The following KREMEN1 variants were observed in gnomAD, a reference collection of about 807,000 sequenced individuals.
KREMEN1 encodes the protein kringle containing transmembrane protein 1.
Under a neutral mutation model 46.5 loss-of-function variants are expected in KREMEN1, and 30 were observed. That is an observed-to-expected ratio of 0.65 (90% CI 0.48 to 0.88). The LOEUF (loss-of-function observed/expected upper bound fraction) is 0.88. KREMEN1 is among the 40% of genes least tolerant of loss of function. The probability of loss-of-function intolerance (pLI) is 0.00; values close to 1 mark genes in which losing one functional copy is unlikely to be tolerated. For synonymous variants in KREMEN1, 214 were observed against 230.6 expected, an observed-to-expected ratio of 0.93 and a Z score of 0.65; for missense variants, 533 against 596.9, an observed-to-expected ratio of 0.89 and a Z score of 1.11.
At position 29,073,268 on chromosome 22, in the gene KREMEN1, C is replaced by T. The variant is rs1462615139; in HGVS notation, c.97+41C>T. 1.0e-6 allele frequency: 1 copy of T among 955,140 alleles called. No individual in the cohort carries two copies. Among genetic ancestry groups the T allele is most frequent in the Non-Finnish European group, 1.3e-6 (1 of 752,042 alleles). The allele number at this position is 955,140 out of a possible 1,614,324, so 59.2% of individuals were successfully genotyped here. On this transcript the variant is annotated intron_variant, in intron 1 of 8. Transcript: ENST00000400335. This position sits in a 1 kb window ranked among gnomAD's most constrained non-coding sequence, Gnocchi z 4.4. ...CCCCCGCCGCCCGCCCTGAGCGGAG[C>T]CCACTCGAGGGGCGACAAGGGCCGG...
chr22:29,124,651 C>G (rs2038411658), intron 4 of KREMEN1, among the ~76,000 whole-genome samples: 1 of 152,118 alleles, frequency 6.6e-6, no homozygotes, highest in South Asian at 2.1e-4. Flanking sequence ...CACGACCACA[C>G]CTGGCTAATA....
At chr22:29,120,435 G>T (rs2038327720) in intron 3 of KREMEN1, among the ~76,000 whole-genome samples, 1 of 119,654 alleles carries the variant, frequency 8.4e-6, no homozygotes, top group East Asian at 2.6e-4. Context: ...AGGAGGGAGA[G>T]GTGATGATGG....
intron 5 of KREMEN1, among the ~76,000 whole-genome samples, chr22:29,131,594 G>GTGTGTATA (rs71324554): frequency 8.2e-6 from 1 of 121,978 alleles, no homozygotes; most frequent in African/African-American, 4.2e-5. Context: ...GTGTGTGTGT[G>GTGTGTATA]TATATGTATA....
chr22:29,098,740 A>T (rs181911837), intron 2 of KREMEN1, 122 bp from the exon 3 acceptor site: 2 of 727,538 alleles, frequency 2.7e-6, no homozygotes, highest in Admixed American at 4.5e-5. Context: ...GCACTGAGAT[A>T]CAGACCAACT....
chr22:29,157,212 G>A (rs1479301014), intron 9 of KREMEN1, among the ~76,000 whole-genome samples: 2 of 152,246 alleles, frequency 1.3e-5, no homozygotes, highest in African/African-American at 2.4e-5. Context: ...GATGTAGCCA[G>A]AGACAGCTGA....
rs111677053 is a variant in KREMEN1, at chr22:29,145,117, C to T, written c.*3005C>T. ...CAGTTAGAACCAGGTAGAAAGTCAG[C>T]GACACCCCACAGAAGGCCACTGCGG... is the stretch of plus-strand genomic sequence containing the variant. On this transcript the variant is annotated 3_prime_UTR_variant, in exon 9 of 9. Transcript: ENST00000400335. 17 of 985,952 alleles carry T rather than the reference C, an allele frequency of 1.7e-5. No individual in the cohort carries two copies. In the South Asian group the frequency reaches 3.8e-4, roughly 22 times the overall value. The allele number at this position is 985,952 out of a possible 1,614,324, so 61.1% of individuals were successfully genotyped here.
At chr22:29,164,340 C>G (rs989191937) in intron 9 of KREMEN1, among the ~76,000 whole-genome samples, 1 of 152,180 alleles carries the variant, frequency 6.6e-6, no homozygotes, top group Non-Finnish European at 1.5e-5. Context: ...TGATCTCAAT[C>G]TGGTTACAAA....
chr22:29,138,810 G>C (rs1420599216), intron 7 of KREMEN1, 28 bp downstream of exon 7: 2 of 1,614,206 alleles, frequency 1.2e-6, no homozygotes, highest in Non-Finnish European at 1.7e-6. Flanking sequence ...CCACCCATGG[G>C]GGCTGGAAGC....
intron 5 of KREMEN1, among the ~76,000 whole-genome samples, chr22:29,127,438 G>A (rs1160779911): frequency 1.3e-5 from 2 of 152,144 alleles, no homozygotes; most frequent in Non-Finnish European, 2.9e-5. Context: ...GTAAAATGGT[G>A]CAGCTGCTTT....
intron 3 of KREMEN1, among the ~76,000 whole-genome samples, chr22:29,106,374 T>C (rs1052736215): frequency 7.9e-5 from 12 of 151,382 alleles, no homozygotes; most frequent in Admixed American, 7.2e-4. Flanking sequence ...GCGCCCGCCA[T>C]CACGCCCAGC....
chr22:29,118,917 C>T (rs1204225692), intron 3 of KREMEN1, among the ~76,000 whole-genome samples: 1 of 152,166 alleles, frequency 6.6e-6, no homozygotes, highest in East Asian at 1.9e-4. Context: ...CTGCCCCCCA[C>T]TTCAGATGCC....
intron 3 of KREMEN1, among the ~76,000 whole-genome samples, chr22:29,121,097 A>G (rs2038348885): frequency 6.3e-5 from 7 of 110,464 alleles, no homozygotes; most frequent in Admixed American, 8.9e-5. Context: ...AATATTAAAC[A>G]GTTTTTTTTT....
Position 29,138,559 on chromosome 22 carries a change from C to T in KREMEN1, c.965-65C>T, listed in dbSNP as rs758182040. On this transcript the variant is annotated intron_variant, in intron 6 of 8. Coordinates refer to ENST00000400335, the MANE Select transcript of KREMEN1 (RefSeq NM_001039570.3). ...AACTCTTCTTCATAACTCGTGCTCT[C>T]CTCCCGCACAACTCTTTGTTGTCTC... 4.0e-6 allele frequency: 6 copies of T among 1,481,662 alleles called. No individual in the cohort carries two copies. The African/African-American group carries it at 5.5e-5, about 14-fold the overall frequency. The allele number at this position is 1,481,662 out of a possible 1,614,324, so 91.8% of individuals were successfully genotyped here.
At chr22:29,168,119 G>C (rs1252324118) in exon 10 of KREMEN1, 1 of 152,356 alleles carries the variant, frequency 6.6e-6, no homozygotes, top group African/African-American at 2.4e-5. Context: ...TGGATCACTT[G>C]AGGCCAGGAA....
In KREMEN1 at chr22:29,131,550, ATATATATATATGTGTGTGTGTGTG is replaced by A. The variant is rs1258070662; in HGVS notation, c.632-5790_632-5767del. ...TATATATATATATATATATATATAT[ATATATATATATGTGTGTGTGTGTG>A]TGTGTGTGTGTGTGTGTGTGTATAT... On this transcript the variant is annotated intron_variant, in intron 5 of 8. Coordinates refer to ENST00000400335, the MANE Select transcript of KREMEN1 (RefSeq NM_001039570.3). Among the ~76,000 whole-genome samples the A allele has an allele frequency of 5.6e-4, 35 of 62,680 alleles. 1 individual carries two copies. The highest frequency in any genetic ancestry group is 2.4e-3 in the African/African-American group (35 of 14,438). The allele number at this position is 62,680 out of a possible 152,430, so 41.1% of individuals were successfully genotyped here.
At chr22:29,125,235 A>G in intron 4 of KREMEN1, 28 bp from the exon 5 acceptor site, 1 of 1,612,762 alleles carries the variant, frequency 6.2e-7, no homozygotes, top group Non-Finnish European at 8.5e-7. Context: ...GATGATGCTT[A>G]CCGTGTGCTG....
intron 3 of KREMEN1, among the ~76,000 whole-genome samples, chr22:29,114,057 C>A (rs912411096): frequency 6.6e-6 from 1 of 152,092 alleles, no homozygotes; most frequent in Non-Finnish European, 1.5e-5. Context: ...CCCCACCCAC[C>A]CCCACCATTC....
At chr22:29,117,823 G>T (rs117923199) in intron 3 of KREMEN1, among the ~76,000 whole-genome samples, 2,659 of 152,256 alleles carry the variant, frequency 0.017, 29 homozygotes, top group Non-Finnish European at 0.028. Context: ...GACCCATGAT[G>T]AATTAATTTC....
chr22:29,156,267 C>T (rs963749149), intron 9 of KREMEN1, among the ~76,000 whole-genome samples: 2 of 152,264 alleles, frequency 1.3e-5, no homozygotes, highest in African/African-American at 4.8e-5. Flanking sequence ...CAGCAGAATG[C>T]TCAGCTCCCA....
Sources: gnomAD v4.1 joint callset for allele counts (sites outside exome capture counted in the v4.1 genomes callset) on GRCh38, gnomAD v4.1.1 for gene constraint, Gnocchi (gnomAD v3.1) non-coding constraint, MANE v1.5 for transcripts, NCBI Gene and HGNC (gene_info 2026-07-23, HGNC 2026-07-21) for gene names.